Variants in XNDC1N observed in about 807,000 individuals in gnomAD.
XNDC1N encodes XRCC1 N-terminal domain containing 1, N-terminal like.
chr11:71,878,583 C>G, the XNDC1N span: 1 of 1,515,522 alleles, frequency 6.6e-7, no homozygotes, highest in South Asian at 1.2e-5. Context: ...TTTCAAGAGT[C>G]TGAAAATAAA....
chr11:71,867,455 C>A, the XNDC1N span, among the ~76,000 whole-genome samples: 1 of 152,084 alleles, frequency 6.6e-6, no homozygotes, highest in Non-Finnish European at 1.5e-5. Flanking sequence ...AGTCATAGTC[C>A]TGGCCATGAA....
the XNDC1N span, among the ~76,000 whole-genome samples, chr11:71,908,883 C>T: frequency 2.0e-5 from 3 of 152,262 alleles, no homozygotes; most frequent in South Asian, 6.2e-4. Context: ...AACCGACCCT[C>T]AGTTGGACCC....
chr11:71,878,329 T>C, the XNDC1N span: 1 of 961,418 alleles, frequency 1.0e-6, no homozygotes, highest in African/African-American at 1.6e-5. Context: ...AACACAGAAA[T>C]GTTATTGCTC....
chr11:71,882,638 C>T, the XNDC1N span, among the ~76,000 whole-genome samples: 1 of 152,332 alleles, frequency 6.6e-6, no homozygotes, highest in South Asian at 2.1e-4. Context: ...ATTCTTCACT[C>T]ATACTCAATG....
At chr11:71,901,287 G>C in the XNDC1N span, among the ~76,000 whole-genome samples, 17 of 152,142 alleles carry the variant, frequency 1.1e-4, no homozygotes, top group African/African-American at 4.8e-5. Context: ...CTGTGGTTAC[G>C]ACCTCTGAGC....
At chr11:71,901,652 T>C in the XNDC1N span, among the ~76,000 whole-genome samples, 1 of 152,004 alleles carries the variant, frequency 6.6e-6, no homozygotes, top group African/African-American at 2.4e-5. Flanking sequence ...TTTTGAGAGT[T>C]GGAAGACCAG....
chr11:71,921,350 C>G, the XNDC1N span, among the ~76,000 whole-genome samples: 3 of 152,248 alleles, frequency 2.0e-5, no homozygotes, highest in South Asian at 2.1e-4. Flanking sequence ...CACCATGTTT[C>G]CCAGGCTGGT....
At chr11:71,913,532 G>A in the XNDC1N span, among the ~76,000 whole-genome samples, 6 of 151,930 alleles carry the variant, frequency 3.9e-5, no homozygotes, top group Admixed American at 2.6e-4. Context: ...GGTGGTGTGC[G>A]CCTATAGTTC....
chr11:71,896,722 C>G, the XNDC1N span, among the ~76,000 whole-genome samples: 2 of 152,236 alleles, frequency 1.3e-5, no homozygotes, highest in African/African-American at 2.4e-5. Flanking sequence ...CGCCAGCACG[C>G]CCAGCTAATG....
chr11:71,924,447 G>A, the XNDC1N span, among the ~76,000 whole-genome samples: 1 of 152,286 alleles, frequency 6.6e-6, no homozygotes, highest in East Asian at 1.9e-4. Context: ...GGGAGGCCAA[G>A]GTGGGTGGAT....
chr11:71,868,246 T>C, the XNDC1N span, among the ~76,000 whole-genome samples: 1 of 152,208 alleles, frequency 6.6e-6, no homozygotes, highest in African/African-American at 2.4e-5. Context: ...ACTTGCCACT[T>C]TGTGCCTTTT....
chr11:71,910,626 T>G, the XNDC1N span, among the ~76,000 whole-genome samples: 1 of 152,014 alleles, frequency 6.6e-6, no homozygotes. Flanking sequence ...GGACTGTGGG[T>G]AGAAGGTGTC....
chr11:71,878,638 G>C, the XNDC1N span: 144 of 943,320 alleles, frequency 1.5e-4, 7 homozygotes, highest in Non-Finnish European at 3.1e-6. Flanking sequence ...CTGCTCAGAA[G>C]ATTGAAGAGT....
At chr11:71,893,620 T>G in the XNDC1N span, 1 of 1,077,064 alleles carries the variant, frequency 9.3e-7, no homozygotes, top group Non-Finnish European at 1.4e-6. Context: ...GGCTGTCAGC[T>G]CTGACTCCCC....
the XNDC1N span, among the ~76,000 whole-genome samples, chr11:71,887,752 A>T: frequency 3.9e-5 from 6 of 152,350 alleles, no homozygotes; most frequent in South Asian, 2.1e-4. Flanking sequence ...ACCAGCCGGT[A>T]CAGGATTTGC....
chr11:71,922,292 T>TTTTGTTTG, the XNDC1N span, among the ~76,000 whole-genome samples: 31 of 152,150 alleles, frequency 2.0e-4, no homozygotes, highest in East Asian at 4.6e-3. Context: ...CTAAGGGTTT[T>TTTTGTTTG]TTTGTTTGTT....
At chr11:71,901,539 C>T in the XNDC1N span, among the ~76,000 whole-genome samples, 7 of 151,858 alleles carry the variant, frequency 4.6e-5, no homozygotes, top group African/African-American at 1.2e-4. Context: ...GCAGAGGTTG[C>T]GGTGAGCTGA....
chr11:71,866,672 G>A, the XNDC1N span, among the ~76,000 whole-genome samples: 1 of 151,984 alleles, frequency 6.6e-6, no homozygotes, highest in East Asian at 1.9e-4. Context: ...GCTGAGGCAG[G>A]AGAATCACTT....
chr11:71,875,469 T>C, the XNDC1N span, among the ~76,000 whole-genome samples: 1 of 152,090 alleles, frequency 6.6e-6, no homozygotes, highest in South Asian at 2.1e-4. Flanking sequence ...TCTACTCTTA[T>C]ACAGAGAAAA....
Sources: allele counts gnomAD v4.1 joint callset (sites outside exome capture counted in the v4.1 genomes callset), GRCh38; gene constraint gnomAD v4.1.1; transcripts MANE v1.5; gene names NCBI Gene and HGNC (gene_info 2026-07-23, HGNC 2026-07-21).